Variants in IL10RA observed in about 807,000 individuals in gnomAD.
IL10RA encodes the protein interleukin-10 receptor subunit alpha.
A neutral mutation model predicts 29.6 loss-of-function variants in IL10RA; 18 were observed. The observed-to-expected ratio is 0.61, with a 90% CI of 0.42 to 0.90. The LOEUF (loss-of-function observed/expected upper bound fraction) is 0.90. Among genes scored for constraint, IL10RA ranks in the 40% least tolerant of loss-of-function variants. IL10RA has a pLI of 0.00. For missense variants in IL10RA, 634 were observed against 716.6 expected (o/e 0.88, Z 1.32); for synonymous variants, 292 against 294.1 (o/e 0.99, Z 0.07).
chr11:117,987,777 GAGCTGATT>G, intron 1 of IL10RA: 4 of 178,300 alleles, frequency 2.2e-5, no homozygotes, highest in Admixed American at 5.5e-5. Flanking sequence ...TGTAGAGCCA[GAGCTGATT>G]TATTCCATCT....
At position 117,995,650 on chromosome 11, in the gene IL10RA, C is replaced by G. The variant is rs267602711; in HGVS notation, c.750C>G (p.Leu250=). The part of the protein sequence containing the change: ...FAFVLLLSGA[L]AYCLALQLYV... ...TTGTCCTGCTGCTCTCCGGAGCCCT[C>G]GCCTACTGCCTGGCCCTCCAGCTGT... Residue 250 remains leucine (L), a synonymous_variant, in exon 6 of 7, where the codon CTC becomes CTG. Coordinates refer to ENST00000227752, the MANE Select transcript of IL10RA (RefSeq NM_001558.4). 1 of 1,614,140 alleles carries G rather than the reference C, an allele frequency of 6.2e-7. No individual in the cohort carries two copies. Among genetic ancestry groups the G allele is most frequent in the Non-Finnish European group, 8.5e-7 (1 of 1,180,008 alleles).
At chr11:117,993,196 G>A (rs2134987909) in intron 3 of IL10RA, 45 bp from the exon 4 acceptor site, 2 of 1,582,816 alleles carry the variant, frequency 1.3e-6, no homozygotes, top group East Asian at 4.5e-5. Flanking sequence ...GCCCTCCTCA[G>A]CCCTCAAGTC....
intron 1 of IL10RA, chr11:117,987,089 A>C: frequency 5.7e-6 from 2 of 351,808 alleles, no homozygotes; most frequent in Admixed American, 7.6e-5. Flanking sequence ...CAGGCTCCTA[A>C]CCCAGACAGT....
chr11:117,987,096 CAG>C (rs1166881624), intron 1 of IL10RA: 4 of 350,082 alleles, frequency 1.1e-5, no homozygotes, highest in Non-Finnish European at 2.3e-5. Flanking sequence ...CTAACCCAGA[CAG>C]TTCTCCGGCA....
At chr11:117,988,256 C>G in intron 1 of IL10RA, 126 bp from the exon 2 acceptor site, 2 of 1,200,662 alleles carry the variant, frequency 1.7e-6, no homozygotes, top group Non-Finnish European at 2.4e-6. Context: ...CACTCTGCCC[C>G]TTACGGGCTC....
chr11:117,988,627 C>A, intron 2 of IL10RA, 125 bp downstream of exon 2: 1 of 1,105,078 alleles, frequency 9.0e-7, no homozygotes, highest in Non-Finnish European at 1.3e-6. Flanking sequence ...TAACACATAG[C>A]CAGCAGTTGA....
At position 117,989,660 on chromosome 11, in the gene IL10RA, C is replaced by A; in HGVS notation, c.367+40C>A. ...TTGACTTAGAACATGGCTCTGAAGTCCCTTCCAGCCAGGAACTCTAGTCTA... is the reference window on the plus strand; with the variant it reads ...TTGACTTAGAACATGGCTCTGAAGTACCTTCCAGCCAGGAACTCTAGTCTA... On this transcript the variant is annotated intron_variant, in intron 3 of 6. Transcript: ENST00000227752. The surrounding 1 kb of genome is among the most constrained non-coding windows in gnomAD (Gnocchi z 4.5). 6.3e-7 allele frequency: 1 copy of A among 1,590,716 alleles called. No individual in the cohort carries two copies. Among genetic ancestry groups the A allele is most frequent in the South Asian group, 1.1e-5 (1 of 90,094 alleles).
chr11:117,995,500 G>C, intron 5 of IL10RA, 89 bp from the exon 6 acceptor site: 1 of 1,550,442 alleles, frequency 6.4e-7, no homozygotes, highest in South Asian at 1.1e-5. Flanking sequence ...CTGACAGTGG[G>C]CAATGGATTT....
Position 118,000,385 on chromosome 11 carries a change from C to T in IL10RA, c.*744C>T. ...CTCTCCAACAAATGGAGTAGCATCC[C>T]CCTGGGGCACTTGCTGAGGCCAAGC... On this transcript the variant is annotated 3_prime_UTR_variant, in exon 7 of 7. Coordinates refer to ENST00000227752, the MANE Select transcript of IL10RA (RefSeq NM_001558.4). 4.4e-6 allele frequency: 2 copies of T among 454,238 alleles called. No individual in the cohort carries two copies. Among genetic ancestry groups the T allele is most frequent in the Non-Finnish European group, 8.8e-6 (2 of 226,788 alleles). 28.1% of individuals were successfully genotyped at this position (454,238 alleles called of 1,614,324 possible).
chr11:117,996,013 T>A (rs2058053614), intron 6 of IL10RA, among the ~76,000 whole-genome samples: 1 of 152,208 alleles, frequency 6.6e-6, no homozygotes, highest in South Asian at 2.1e-4. Flanking sequence ...GACTAGCCCC[T>A]GTGCATTGCA....
chr11:117,987,899 A>C lies in IL10RA; in HGVS notation c.68-483A>C, dbSNP rs532749852. The C allele has an allele frequency of 3.1e-5, 7 of 229,022 alleles. No individual in the cohort carries two copies. The East Asian group carries it at 7.7e-4, about 25-fold the overall frequency. 14.2% of individuals were successfully genotyped at this position (229,022 alleles called of 1,614,324 possible). A position where few individuals can be genotyped will look rare whatever the true frequency, so the allele number is the denominator to read the frequency against. On this transcript the variant is annotated intron_variant, in intron 1 of 6. Transcript: ENST00000227752. ...GCTTGGGGAGCCCAGGAGACCTATG[A>C]AGAGAAGGAGGCAGATGTCAGCAAG...
chr11:117,996,227 G>A (rs1357364687), intron 6 of IL10RA, among the ~76,000 whole-genome samples: 1 of 152,090 alleles, frequency 6.6e-6, no homozygotes, highest in Non-Finnish European at 1.5e-5. Context: ...CTGCCAGAGT[G>A]GGCCAGAGGA....
In IL10RA at chr11:118,000,184, G is replaced by A. The variant is rs940437717; in HGVS notation, c.*543G>A. The A allele has an allele frequency of 7.5e-5, 34 of 454,404 alleles. No individual in the cohort carries two copies. The East Asian group carries it at 2.3e-3, about 30-fold the overall frequency. 28.1% of individuals were successfully genotyped at this position (454,404 alleles called of 1,614,324 possible). ...GGGAACCTCCCCTCATCGGGCCTCT[G>A]GGGCAGGAAGCTTGTCACTGGAAGA... On this transcript the variant is annotated 3_prime_UTR_variant, in exon 7 of 7. Coordinates refer to ENST00000227752, the MANE Select transcript of IL10RA (RefSeq NM_001558.4).
At chr11:117,986,562 T>G (rs1345029223) in intron 1 of IL10RA, 28 bp downstream of exon 1, 2 of 1,550,188 alleles carry the variant, frequency 1.3e-6, no homozygotes, top group Admixed American at 3.9e-5. Context: ...GGCCCTTCCC[T>G]GCCCTGCCCT....
chr11:117,990,554 G>A (rs1026634840), intron 3 of IL10RA, among the ~76,000 whole-genome samples: 18 of 152,080 alleles, frequency 1.2e-4, no homozygotes, highest in African/African-American at 4.3e-4. Flanking sequence ...ACATACTTAC[G>A]TAATTAGGAA....
rs2058079084 is a variant in IL10RA, at chr11:117,999,455, C to T, written c.1551C>T (p.Asn517=). ...CAGGGGCCCCAACGGGACAGTGGAA[C>T]CAGCCCACTGAGGAATGGTCACTCC... ...ASSGAPTGQW[N]QPTEEWSLLA... The change falls in exon 7 of 7, where the codon AAC becomes AAT. Residue 517 remains asparagine (N), a synonymous_variant. Coordinates refer to ENST00000227752, the MANE Select transcript of IL10RA (RefSeq NM_001558.4). 1.2e-6 allele frequency: 2 copies of T among 1,614,240 alleles called. No homozygotes were observed. Among genetic ancestry groups the T allele is most frequent in the Non-Finnish European group, 1.7e-6 (2 of 1,180,034 alleles).
At chr11:117,988,222 C>T (rs1389418288) in intron 1 of IL10RA, 160 bp from the exon 2 acceptor site, 2 of 821,084 alleles carry the variant, frequency 2.4e-6, no homozygotes, top group Non-Finnish European at 4.1e-6. Flanking sequence ...GCTCTAGAAT[C>T]AGACACATGT....
chr11:117,993,141 A>G, intron 3 of IL10RA, 100 bp from the exon 4 acceptor site: 1 of 1,101,694 alleles, frequency 9.1e-7, no homozygotes, highest in Non-Finnish European at 1.4e-6. Context: ...CCTAGGTTCT[A>G]ATTAAGCTTA....
intron 3 of IL10RA, among the ~76,000 whole-genome samples, chr11:117,991,419 A>G (rs2058021461): frequency 6.6e-6 from 1 of 152,214 alleles, no homozygotes; most frequent in Non-Finnish European, 1.5e-5. Context: ...TTAAAATATT[A>G]TCTTTCAGCT....
Sources: allele counts gnomAD v4.1 joint callset (sites outside exome capture counted in the v4.1 genomes callset), GRCh38; gene constraint gnomAD v4.1.1; non-coding constraint Gnocchi (gnomAD v3.1); transcripts MANE v1.5; gene names NCBI Gene and HGNC (gene_info 2026-07-23, HGNC 2026-07-21).